Variants in SLC30A8 observed in about 807,000 individuals in gnomAD.
The protein encoded by SLC30A8 is solute carrier family 30 member 8, also known as proton-coupled zinc antiporter SLC30A8.
SLC30A8 carries 27 observed loss-of-function variants against 36.9 expected under a neutral mutation model. That is an observed-to-expected ratio of 0.73 (90% CI 0.54 to 1.01). The LOEUF is 1.01. Ranked by LOEUF, SLC30A8 falls within the 50% of genes least tolerant of loss-of-function variation. The pLI is 0.00. For missense variants in SLC30A8, 439 were observed against 452.0 expected, an observed-to-expected ratio of 0.97 and a Z score of 0.26; for synonymous variants, 164 against 172.4, an observed-to-expected ratio of 0.95 and a Z score of 0.38.
intron 2 of SLC30A8, among the ~76,000 whole-genome samples, chr8:117,097,693 AAT>A (rs574417947): frequency 0.17 from 1,828 of 10,594 alleles, 735 homozygotes; most frequent in African/African-American, 0.5. Flanking sequence ...TATTATATAT[AAT>A]ATATATAATT....
chr8:117,170,747 A>G (rs1185335731), intron 6 of SLC30A8, among the ~76,000 whole-genome samples: 1 of 152,190 alleles, frequency 6.6e-6, no homozygotes, highest in Admixed American at 6.5e-5. Context: ...ATATAAAGAT[A>G]GTTGGAAAAG....
At chr8:116,977,790 G>A (rs913716019) in intron 1 of SLC30A8, among the ~76,000 whole-genome samples, 5 of 152,114 alleles carry the variant, frequency 3.3e-5, no homozygotes, top group Non-Finnish European at 7.4e-5. Flanking sequence ...GATTACAGGT[G>A]TGAGCCACCA....
chr8:116,957,985 C>T (rs1178726551), intron 1 of SLC30A8, among the ~76,000 whole-genome samples: 2 of 152,176 alleles, frequency 1.3e-5, no homozygotes, highest in African/African-American at 4.8e-5. Flanking sequence ...AGGATCTATG[C>T]CTCGTGTCAG....
intron 2 of SLC30A8, among the ~76,000 whole-genome samples, chr8:117,125,826 T>C (rs1162475678): frequency 6.6e-6 from 1 of 151,976 alleles, no homozygotes; most frequent in African/African-American, 2.4e-5. Context: ...TAAATTTAAA[T>C]AGCACTAGAA....
chr8:117,113,317 G>C (rs1423812425), intron 2 of SLC30A8, among the ~76,000 whole-genome samples: 1 of 152,104 alleles, frequency 6.6e-6, no homozygotes, highest in African/African-American at 2.4e-5. Flanking sequence ...CCAGCTTTCT[G>C]CTCTGATGCT....
intron 1 of SLC30A8, among the ~76,000 whole-genome samples, chr8:116,976,244 T>C (rs10112180): frequency 2.9e-4 from 41 of 140,810 alleles, no homozygotes; most frequent in Admixed American, 7.7e-4. Flanking sequence ...TTCTCTCTCT[T>C]TTTTTTTTTT....
At chr8:117,026,274 G>C (rs1816867822) in intron 1 of SLC30A8, among the ~76,000 whole-genome samples, 1 of 152,112 alleles carries the variant, frequency 6.6e-6, no homozygotes, top group Non-Finnish European at 1.5e-5. Flanking sequence ...CTTCAATAAG[G>C]GGATATTTTA....
chr8:117,033,858 G>C (rs1817129410), intron 1 of SLC30A8, among the ~76,000 whole-genome samples: 1 of 152,194 alleles, frequency 6.6e-6, no homozygotes. Flanking sequence ...CAATCACCTT[G>C]ATTCTGGCCT....
At chr8:116,966,527 G>A (rs767062249) in intron 1 of SLC30A8, among the ~76,000 whole-genome samples, 28 of 152,058 alleles carry the variant, frequency 1.8e-4, no homozygotes, top group Non-Finnish European at 3.2e-4. Flanking sequence ...CTACAAGTCG[G>A]TAATACCTCT....
At chr8:117,063,746 G>C (rs1044276140) in intron 2 of SLC30A8, among the ~76,000 whole-genome samples, 32 of 152,118 alleles carry the variant, frequency 2.1e-4, no homozygotes, top group African/African-American at 7.7e-4. Flanking sequence ...TAACTCTTTT[G>C]CTTCTCAGTT....
chr8:117,141,342 C>A (rs1821644062), intron 1 of SLC30A8, among the ~76,000 whole-genome samples: 1 of 151,968 alleles, frequency 6.6e-6, no homozygotes, highest in Non-Finnish European at 1.5e-5. Flanking sequence ...GGGATTTATC[C>A]CAGTAATGCA....
intron 2 of SLC30A8, among the ~76,000 whole-genome samples, chr8:117,072,581 C>T (rs1818363585): frequency 6.6e-6 from 1 of 152,126 alleles, no homozygotes; most frequent in South Asian, 2.1e-4. Context: ...TACTTTAAGT[C>T]CTTTTTCTGA....
intron 2 of SLC30A8, among the ~76,000 whole-genome samples, chr8:117,061,799 C>T (rs986838987): frequency 6.6e-6 from 1 of 152,026 alleles, no homozygotes; most frequent in African/African-American, 2.4e-5. Context: ...CTTATGGAGT[C>T]CCTGAGAGTC....
Position 117,172,694 on chromosome 8 carries a change from G to A in SLC30A8, c.*13G>A, listed in dbSNP as rs754289154. The A allele has an allele frequency of 2.0e-5, 33 of 1,612,622 alleles. No individual in the cohort carries two copies. Among genetic ancestry groups the A allele is most frequent in the Middle Eastern group, 1.6e-4 (1 of 6,068 alleles). On this transcript the variant is annotated 3_prime_UTR_variant, in exon 8 of 8. Coordinates refer to ENST00000456015, the MANE Select transcript of SLC30A8 (RefSeq NM_173851.3). ...CCCCTGTGACTAGCTCAGTCACACC[G>A]TCAGTTTCCCAAATTTGACAGGCCA...
At chr8:116,966,714 G>C (rs989912542) in intron 1 of SLC30A8, among the ~76,000 whole-genome samples, 3 of 152,140 alleles carry the variant, frequency 2.0e-5, no homozygotes, top group African/African-American at 4.8e-5. Context: ...AGTTCTCCTA[G>C]CTGACATCAG....
chr8:117,074,294 A>G (rs1053118826), intron 2 of SLC30A8, among the ~76,000 whole-genome samples: 1 of 152,152 alleles, frequency 6.6e-6, no homozygotes, highest in Non-Finnish European at 1.5e-5. Context: ...TTTGCATACA[A>G]TGGTTTCATT....
chr8:116,956,135 T>A (rs1290786069), intron 1 of SLC30A8, among the ~76,000 whole-genome samples: 1 of 152,202 alleles, frequency 6.6e-6, no homozygotes, highest in East Asian at 1.9e-4. Context: ...ATTCATATTC[T>A]GTCATGCATA....
chr8:117,133,854 C>G (rs1821239979), upstream of SLC30A8, among the ~76,000 whole-genome samples: 1 of 151,964 alleles, frequency 6.6e-6, no homozygotes, highest in African/African-American at 2.4e-5. Flanking sequence ...TCAATGCCTT[C>G]ACTTGCAAGG....
intron 2 of SLC30A8, among the ~76,000 whole-genome samples, chr8:117,149,054 C>T (rs539478974): frequency 7.9e-5 from 12 of 152,156 alleles, no homozygotes; most frequent in South Asian, 4.1e-4. Context: ...TTGTGTGTTT[C>T]GTGTTTTTAT....
Sources: allele counts gnomAD v4.1 joint callset (sites outside exome capture counted in the v4.1 genomes callset), GRCh38; gene constraint gnomAD v4.1.1; transcripts MANE v1.5; gene names NCBI Gene and HGNC (gene_info 2026-07-23, HGNC 2026-07-21).